The following TAFA1 variants were observed in gnomAD, a reference collection of about 807,000 sequenced individuals.
The protein encoded by TAFA1 is chemokine-like protein TAFA-1.
A neutral mutation model predicts 18.5 loss-of-function variants in TAFA1; 4 were observed. The ratio of observed to expected loss-of-function variants is 0.22; its 90% confidence interval spans 0.11 to 0.49. The LOEUF is 0.49. TAFA1 is among the 20% of genes least tolerant of loss of function. The probability of loss-of-function intolerance (pLI) is 0.98; values close to 1 mark genes in which losing one functional copy is unlikely to be tolerated. For missense variants in TAFA1, 147 were observed against 169.0 expected, an observed-to-expected ratio of 0.87 and a Z score of 0.72; for synonymous variants, 56 against 55.2, an observed-to-expected ratio of 1.01 and a Z score of -0.06.
intron 2 of TAFA1, among the ~76,000 whole-genome samples, chr3:68,065,740 G>A (rs13090859): frequency 0.016 from 2,110 of 133,306 alleles, 37 homozygotes; most frequent in African/African-American, 0.052. Flanking sequence ...GTGTGTGTGT[G>A]TATATATATA....
At chr3:68,199,029 T>C (rs2107034089) in intron 2 of TAFA1, among the ~76,000 whole-genome samples, 1 of 151,706 alleles carries the variant, frequency 6.6e-6, no homozygotes, top group Non-Finnish European at 1.5e-5. Flanking sequence ...TGTAATCAAT[T>C]TTGAGCTAAT....
At position 68,016,622 on chromosome 3, in the gene TAFA1, A is replaced by G. The variant is rs185279338; in HGVS notation, c.118+9878A>G. ...TAGTCTATCTCATCTAGGTCTGTGT[A>G]AGTACACTCTGATGTTCACACAATG... On this transcript the variant is annotated intron_variant, in intron 2 of 4. Transcript: ENST00000478136. Among the ~76,000 whole-genome samples the G allele has an allele frequency of 3.4e-4, 52 of 152,302 alleles. No homozygotes were observed. In the East Asian group the frequency reaches 0.01, roughly 29 times the overall value.
intron 3 of TAFA1, among the ~76,000 whole-genome samples, chr3:68,519,024 C>T (rs544889748): frequency 9.2e-5 from 14 of 152,254 alleles, no homozygotes; most frequent in African/African-American, 3.4e-4. Flanking sequence ...TTGATACATT[C>T]GTTTATATAT....
At chr3:68,035,862 C>T (rs1468967916) in intron 2 of TAFA1, among the ~76,000 whole-genome samples, 3 of 152,176 alleles carry the variant, frequency 2.0e-5, no homozygotes, top group East Asian at 3.9e-4. Flanking sequence ...ACTACAGAAA[C>T]ATGCAGCAAC....
intron 2 of TAFA1, among the ~76,000 whole-genome samples, chr3:68,311,060 A>C (rs1049772575): frequency 6.6e-6 from 1 of 152,172 alleles, no homozygotes; most frequent in African/African-American, 2.4e-5. Flanking sequence ...CACAACTTAC[A>C]TGGATGGTGG....
chr3:68,149,701 C>T lies in TAFA1; in HGVS notation c.118+142957C>T, dbSNP rs1383406697. ...TGACCCAAACACCTCGGATTAGACT[C>T]CACCTCCAGCTTTGGGATAAAATTT... On this transcript the variant is annotated intron_variant, in intron 2 of 4. Coordinates refer to ENST00000478136, the MANE Select transcript of TAFA1 (RefSeq NM_213609.4). Among the ~76,000 whole-genome samples, 4 of 152,206 alleles carry T rather than the reference C, an allele frequency of 2.6e-5. No individual in the cohort carries two copies. The East Asian group carries it at 7.7e-4, about 29-fold the overall frequency.
chr3:68,359,245 G>T (rs915765984), intron 2 of TAFA1, among the ~76,000 whole-genome samples: 2 of 151,916 alleles, frequency 1.3e-5, no homozygotes, highest in Admixed American at 6.6e-5. Context: ...AAAAATTGCA[G>T]AACAGACTTC....
At chr3:68,060,153 G>A (rs903554255) in intron 2 of TAFA1, among the ~76,000 whole-genome samples, 1 of 151,962 alleles carries the variant, frequency 6.6e-6, no homozygotes, top group Admixed American at 6.6e-5. Context: ...TGACTTATGT[G>A]CCTCATCACC....
At chr3:68,506,939 G>C (rs1252593081) in intron 3 of TAFA1, among the ~76,000 whole-genome samples, 2 of 151,522 alleles carry the variant, frequency 1.3e-5, no homozygotes, top group Non-Finnish European at 3.0e-5. Context: ...GGGCTGGAAG[G>C]GTGTTTATTA....
At chr3:68,492,511 G>A (rs914373142) in intron 3 of TAFA1, among the ~76,000 whole-genome samples, 1 of 152,150 alleles carries the variant, frequency 6.6e-6, no homozygotes, top group African/African-American at 2.4e-5. Context: ...CTCCATGAGT[G>A]AAAGAAGAAA....
chr3:68,078,884 T>C (rs1163333963), intron 2 of TAFA1, among the ~76,000 whole-genome samples: 1 of 152,220 alleles, frequency 6.6e-6, no homozygotes, highest in African/African-American at 2.4e-5. Flanking sequence ...TCAGAAGGAA[T>C]GGTAGCAGCT....
At chr3:68,120,302 T>C (rs1268908697) in intron 2 of TAFA1, among the ~76,000 whole-genome samples, 1 of 150,958 alleles carries the variant, frequency 6.6e-6, no homozygotes, top group Non-Finnish European at 1.5e-5. Flanking sequence ...CAGGCTGGAG[T>C]GCACTGGTGC....
At chr3:68,353,530 T>A (rs80123697) in intron 2 of TAFA1, among the ~76,000 whole-genome samples, 2,911 of 152,164 alleles carry the variant, frequency 0.019, 58 homozygotes, top group Non-Finnish European at 0.027. Flanking sequence ...GCTAGGTTTG[T>A]GGACAAGTAT....
chr3:68,233,962 C>G (rs987449382), intron 2 of TAFA1, among the ~76,000 whole-genome samples: 1 of 152,078 alleles, frequency 6.6e-6, no homozygotes, highest in Non-Finnish European at 1.5e-5. Flanking sequence ...GAAGAAAAGA[C>G]CGAAACTGGC....
intron 2 of TAFA1, among the ~76,000 whole-genome samples, chr3:68,408,286 A>G (rs2070650483): frequency 6.6e-6 from 1 of 152,186 alleles, no homozygotes; most frequent in Admixed American, 6.5e-5. Flanking sequence ...TGGCCTATTA[A>G]TGAGAACTGG....
At chr3:68,499,619 T>C (rs2665532) in intron 3 of TAFA1, among the ~76,000 whole-genome samples, 30,332 of 151,804 alleles carry the variant, frequency 0.2, 3,107 homozygotes, top group Middle Eastern at 0.24. Flanking sequence ...AGCCAGTGTG[T>C]GGTGAGTGAA....
chr3:68,106,353 C>A (rs1211567528), intron 2 of TAFA1, among the ~76,000 whole-genome samples: 1 of 152,062 alleles, frequency 6.6e-6, no homozygotes, highest in Non-Finnish European at 1.5e-5. Context: ...AATGCAGTAG[C>A]CACCAGCCAA....
intron 2 of TAFA1, among the ~76,000 whole-genome samples, chr3:68,216,322 G>A (rs78147881): frequency 0.11 from 17,058 of 152,064 alleles, 1,148 homozygotes; most frequent in Admixed American, 0.2. Context: ...TTTAAAAACC[G>A]TTTTCAAGAA....
At chr3:68,361,323 G>A (rs1448538321) in intron 2 of TAFA1, among the ~76,000 whole-genome samples, 1 of 152,018 alleles carries the variant, frequency 6.6e-6, no homozygotes, top group East Asian at 1.9e-4. Context: ...TAGAATGATA[G>A]ATATCAGAGG....
Sources: allele counts gnomAD v4.1 joint callset (sites outside exome capture counted in the v4.1 genomes callset), GRCh38; gene constraint gnomAD v4.1.1; transcripts MANE v1.5; gene names NCBI Gene and HGNC (gene_info 2026-07-23, HGNC 2026-07-21).